The following RNPEP variants were observed in gnomAD, a reference collection of about 807,000 sequenced individuals.
The protein encoded by RNPEP is aminopeptidase B.
Under a neutral mutation model 70.1 loss-of-function variants are expected in RNPEP, and 57 were observed. The observed-to-expected ratio is 0.81, with a 90% confidence interval of 0.66 to 1.01. RNPEP has a LOEUF of 1.01. Ranked by LOEUF, RNPEP falls within the 50% of genes least tolerant of loss-of-function variation. RNPEP has a pLI of 0.00. For synonymous variants in RNPEP, 335 were observed against 357.4 expected, an observed-to-expected ratio of 0.94 and a Z score of 0.71; for missense variants, 787 against 852.4, an observed-to-expected ratio of 0.92 and a Z score of 0.96.
rs763685068 is a variant in RNPEP, at chr1:201,996,233, A to G, written c.824A>G (p.Glu275Gly). The part of the protein sequence containing the change: ...GVIEEFLATG[E>G]KLFGPYVWGR... ...ATAGAAGAATTTTTGGCAACAGGAG[A>G]GAAGCTTTTTGGACCTTATGTTTGG... is the stretch of plus-strand genomic sequence containing the variant. The change falls in exon 4 of 11, where the codon GAG becomes GGG. Residue 275 changes from glutamate (E) to glycine (G), a missense_variant. By Grantham distance (98) the Glu-to-Gly change is moderately conservative. Transcript: ENST00000295640. The G allele has an allele frequency of 8.1e-6, 13 of 1,613,746 alleles. No individual in the cohort carries two copies. Among genetic ancestry groups the G allele is most frequent in the Middle Eastern group, 1.6e-4 (1 of 6,080 alleles).
intron 1 of RNPEP, among the ~76,000 whole-genome samples, chr1:201,985,199 A>C (rs1156306960): frequency 6.6e-6 from 1 of 151,764 alleles, no homozygotes; most frequent in Non-Finnish European, 1.5e-5. Context: ...TCTAAAAAAA[A>C]AAAAAAAAAA....
At chr1:202,001,160 C>T in intron 6 of RNPEP, 1 of 554,080 alleles carries the variant, frequency 1.8e-6, no homozygotes, top group Non-Finnish European at 3.2e-6. Context: ...AGATCTTGGC[C>T]TTGAGATAGA....
chr1:201,984,824 T>C (rs1456985668), intron 1 of RNPEP, among the ~76,000 whole-genome samples: 1 of 9,278 alleles, frequency 1.1e-4, no homozygotes, highest in African/African-American at 2.9e-4. Flanking sequence ...TTTCTTTCTT[T>C]TTTTTTTTTT....
chr1:201,987,637 C>T (rs1004422695), intron 1 of RNPEP, among the ~76,000 whole-genome samples: 2 of 151,354 alleles, frequency 1.3e-5, no homozygotes, highest in Non-Finnish European at 2.9e-5. Context: ...AGGGTTTTAC[C>T]ATGTTATCCA....
intron 9 of RNPEP, among the ~76,000 whole-genome samples, chr1:202,003,931 C>T (rs545317189): frequency 6.6e-6 from 1 of 152,122 alleles, no homozygotes; most frequent in African/African-American, 2.4e-5. Context: ...TGTGGCTGCT[C>T]AGTCAACATA....
chr1:201,989,096 C>G, intron 2 of RNPEP, 52 bp downstream of exon 2: 3 of 1,579,844 alleles, frequency 1.9e-6, no homozygotes, highest in Non-Finnish European at 2.6e-6. Context: ...GAAATGATTT[C>G]AGATCTATCA....
intron 3 of RNPEP, among the ~76,000 whole-genome samples, chr1:201,991,129 T>C (rs997815676): frequency 1.3e-5 from 2 of 152,170 alleles, no homozygotes; most frequent in Non-Finnish European, 2.9e-5. Flanking sequence ...TATTTATTAT[T>C]TTTGAGATGG....
intron 2 of RNPEP, 95 bp from the exon 3 acceptor site, chr1:201,989,288 A>G (rs1683238766): frequency 7.0e-7 from 1 of 1,433,422 alleles, no homozygotes; most frequent in South Asian, 1.3e-5. Flanking sequence ...CCAGGCCATT[A>G]TCATCACACA....
intron 9 of RNPEP, among the ~76,000 whole-genome samples, chr1:202,003,958 T>TA (rs1322082929): frequency 2.6e-5 from 4 of 152,156 alleles, no homozygotes; most frequent in East Asian, 1.9e-4. Context: ...ACCAAGGGGT[T>TA]AAAAAAAAGT....
In RNPEP at chr1:201,997,425, G is replaced by C. The variant is rs11547186; in HGVS notation, c.961G>C (p.Asp321His). ...GCTAGCTGGGGACCGCTCCTTGGCA[G>C]ATGTCATCATCCATGAGATCTCCCA... ...CLLAGDRSLA[D>H]VIIHEISHSW... The change falls in exon 5 of 11, where the codon GAT (aspartate) becomes CAT (histidine). Residue 321 changes from aspartate (D) to histidine (H), a missense_variant. Physicochemically the swap from Asp to His is moderately conservative, Grantham distance 81. Coordinates refer to ENST00000295640, the MANE Select transcript of RNPEP (RefSeq NM_020216.4). 1.2e-6 allele frequency: 2 copies of C among 1,614,148 alleles called. No homozygotes were observed. The highest frequency in any genetic ancestry group is 1.6e-4 in the Middle Eastern group (1 of 6,062).
At chr1:201,994,900 G>A (rs969292318) in intron 3 of RNPEP, among the ~76,000 whole-genome samples, 2 of 138,270 alleles carry the variant, frequency 1.4e-5, no homozygotes, top group Non-Finnish European at 3.0e-5. Flanking sequence ...GGCTGGTCTG[G>A]TACTCTTGAC....
rs756664549 is a variant in RNPEP, at chr1:201,997,319, G to A, written c.855G>A (p.Arg285=). 6.2e-7 allele frequency: 1 copy of A among 1,614,002 alleles called. No individual in the cohort carries two copies. Among genetic ancestry groups the A allele is most frequent in the Non-Finnish European group, 8.5e-7 (1 of 1,179,852 alleles). ...EKLFGPYVWG[R]YDLLFMPPSF... ...TGGTGACCTCCCCGCTTCTCGGCAG[G>A]TATGACTTGCTCTTCATGCCACCGT... Residue 285 remains arginine (R), a splice_region_variant and synonymous_variant, in exon 5 of 11, where the codon AGG becomes AGA. Coordinates refer to ENST00000295640, the MANE Select transcript of RNPEP (RefSeq NM_020216.4).
chr1:201,982,964 T>C lies in RNPEP; in HGVS notation c.298T>C (p.Ser100Pro). The part of the protein sequence containing the change: ...AAALRRERPG[S>P]EEPPAEPVSF... Reference sequence around the variant, plus strand: ...GGCGCTGCGGCGGGAGCGGCCCGGCTCGGAGGAGCCGCCTGCGGAGCCCGT... The same window carrying C: ...GGCGCTGCGGCGGGAGCGGCCCGGCCCGGAGGAGCCGCCTGCGGAGCCCGT... The change falls in exon 1 of 11, where the codon TCG becomes CCG. Residue 100 changes from serine to proline, a missense_variant. Coordinates refer to ENST00000295640, the MANE Select transcript of RNPEP (RefSeq NM_020216.4). 3 of 1,502,948 alleles carry C rather than the reference T, an allele frequency of 2.0e-6. No homozygotes were observed. Among genetic ancestry groups the C allele is most frequent in the East Asian group, 2.9e-5 (1 of 34,940 alleles). 93.1% of individuals were successfully genotyped at this position (1,502,948 alleles called of 1,614,324 possible).
At chr1:201,983,161 G>C in intron 1 of RNPEP, 48 bp downstream of exon 1, 2 of 1,425,372 alleles carry the variant, frequency 1.4e-6, no homozygotes, top group Non-Finnish European at 1.8e-6. Context: ...TGCCCTTCCG[G>C]CCCCCAGCCG....
At chr1:201,989,190 A>C in intron 2 of RNPEP, 146 bp downstream of exon 2, 3 of 1,256,328 alleles carry the variant, frequency 2.4e-6, no homozygotes, top group Admixed American at 2.4e-5. Context: ...TCTTCCACCT[A>C]CTGAAGTTGT....
chr1:201,991,093 A>G (rs772565890), intron 3 of RNPEP, among the ~76,000 whole-genome samples: 4 of 152,090 alleles, frequency 2.6e-5, no homozygotes, highest in Non-Finnish European at 5.9e-5. Context: ...CCTGGGTCAC[A>G]TCGTAGGGTC....
chr1:201,998,891 A>G (rs2102977701), intron 5 of RNPEP, among the ~76,000 whole-genome samples: 1 of 152,312 alleles, frequency 6.6e-6, no homozygotes, highest in East Asian at 1.9e-4. Context: ...GGGGTTGATA[A>G]TTTCTTTTGT....
chr1:201,989,593 C>T, intron 3 of RNPEP, 62 bp downstream of exon 3: 1 of 1,570,988 alleles, frequency 6.4e-7, no homozygotes, highest in Middle Eastern at 1.9e-4. Flanking sequence ...AGGACTCTGA[C>T]CAGTGGACCT....
At chr1:201,986,246 G>T (rs866590588) in intron 1 of RNPEP, among the ~76,000 whole-genome samples, 1 of 151,212 alleles carries the variant, frequency 6.6e-6, no homozygotes, top group South Asian at 2.1e-4. Flanking sequence ...CCAGTTTTTT[G>T]TTTTTTATTT....
Sources: allele counts gnomAD v4.1 joint callset (sites outside exome capture counted in the v4.1 genomes callset), GRCh38; gene constraint gnomAD v4.1.1; transcripts MANE v1.5; gene names NCBI Gene and HGNC (gene_info 2026-07-23, HGNC 2026-07-21).